The following PNKP variants were observed in gnomAD, a reference collection of about 807,000 sequenced individuals.
The protein encoded by PNKP is polynucleotide kinase 3'-phosphatase, also known as bifunctional polynucleotide phosphatase/kinase.
Under a neutral mutation model 66.2 loss-of-function variants are expected in PNKP, and 82 were observed. The observed-to-expected ratio is 1.24, with a 90% CI of 1.04 to 1.49. PNKP has a LOEUF of 1.49. PNKP is among the 40% of genes most tolerant of loss of function. The pLI is 0.00. For missense variants in PNKP, 907 were observed against 706.8 expected (o/e 1.28, Z -3.21); for synonymous variants, 412 against 298.9 (o/e 1.38, Z -3.90).
rs759435042 is a variant in PNKP at position 49,861,218 on chromosome 19, C to T, written c.*30G>A. The stretch of plus-strand genomic sequence containing the variant: ...GCCGGCCAAGCTCAAGGAGAAACAG[C>T]GTTTATTGTGGAGGGGAGCTGGGCG... On this transcript the variant is annotated 3_prime_UTR_variant, in exon 17 of 17. Coordinates refer to ENST00000322344, the MANE Select transcript of PNKP (RefSeq NM_007254.4). 1.5e-5 allele frequency: 21 copies of T among 1,436,366 alleles called. No individual in the cohort carries two copies. The highest frequency in any genetic ancestry group is 2.8e-5 in the African/African-American group (2 of 71,548). The allele number at this position is 1,436,366 out of a possible 1,614,324, so 89.0% of individuals were successfully genotyped here.
chr19:49,862,679 C>G lies in PNKP; in HGVS notation c.865+11G>C. On this transcript the variant is annotated intron_variant, in intron 9 of 16. Transcript: ENST00000322344. ...GTCCCAGCCCACCCTCAGCAGCCTC[C>G]AGGCCCTTACCTCCCACAAAGATGC... The G allele has an allele frequency of 6.2e-7, 1 of 1,614,120 alleles. No homozygotes were observed. The highest frequency in any genetic ancestry group is 1.6e-4 in the Middle Eastern group (1 of 6,062).
Position 49,862,542 on chromosome 19 carries a change from CG to C in PNKP, c.931del (p.Arg311AlafsTer51), listed in dbSNP as rs1568660415. The C allele has an allele frequency of 6.2e-7, 1 of 1,609,382 alleles. No individual in the cohort carries two copies. The highest frequency in any genetic ancestry group is 8.5e-7 in the Non-Finnish European group (1 of 1,177,808). On this transcript the variant is annotated frameshift_variant, in exon 10 of 17. Transcript: ENST00000322344. LOFTEE classifies it high-confidence loss of function. ...GGCAGGGGGCAGGGGCCTCACCAGG[CG>C]ATCGGCGCAGGAGAAGTCTTTCTTC... is the stretch of plus-strand genomic sequence containing the variant. Reference protein sequence around the residue: ...RKKKDFSCADRLFALNLGLPF... With the variant: ...RKKKDFSCADXLFALNLGLPF...
chr19:49,861,258 G>A lies in PNKP; in HGVS notation c.1556C>T (p.Ser519Phe). 6.2e-7 allele frequency: 1 copy of A among 1,603,728 alleles called. No individual in the cohort carries two copies. Among genetic ancestry groups the A allele is most frequent in the South Asian group, 1.1e-5 (1 of 90,842 alleles). Reference sequence around the variant, plus strand: ...GGAGCTGGGCGGGGCTCAGCCCTCGGAGAACTGGCAGTACAGCCGCCCCAG... The same window carrying A: ...GGAGCTGGGCGGGGCTCAGCCCTCGAAGAACTGGCAGTACAGCCGCCCCAG... The part of the protein sequence containing the change: ...PRLGRLYCQF[S>F]EG Residue 519 changes from serine to phenylalanine, a missense_variant, in exon 17 of 17, where the codon TCC (serine) becomes TTC (phenylalanine). Physicochemically the swap from Ser to Phe is radical, Grantham distance 155. Transcript: ENST00000322344.
Position 49,862,225 on chromosome 19 carries a change from G to C in PNKP, c.1086C>G (p.Ser362Arg). 1 of 1,612,630 alleles carries C rather than the reference G, an allele frequency of 6.2e-7. No individual in the cohort carries two copies. Among genetic ancestry groups the C allele is most frequent in the Non-Finnish European group, 8.5e-7 (1 of 1,179,398 alleles). Residue 362 changes from serine (S) to arginine (R), a missense_variant, in exon 12 of 17, where the codon AGC becomes AGG. By Grantham distance (110) the Ser-to-Arg change is moderately radical (BLOSUM62 -1). Transcript: ENST00000322344. ...LCLPESRALL[S>R]ASPEVVVAVG... ...CTGCGACAACCACCTCCGGGCTGGC[G>C]CTCAGGAGGGCCCTGGACTCGGGGA...
At chr19:49,865,482 CCAAT>C (rs2074811686) in intron 3 of PNKP, 56 bp from the exon 4 acceptor site, 2 of 1,307,486 alleles carry the variant, frequency 1.5e-6, no homozygotes, top group South Asian at 1.3e-5. Flanking sequence ...GGAGCTTCCT[CCAAT>C]CAAATACCCA....
chr19:49,866,253 G>A (rs974734297), intron 3 of PNKP, 146 bp downstream of exon 3: 4 of 790,074 alleles, frequency 5.1e-6, no homozygotes, highest in South Asian at 1.3e-5. Flanking sequence ...GCCCGCCTCG[G>A]CCTCCCAAAG....
rs1030506703 is a variant in PNKP at position 49,866,150 on chromosome 19, C to A, written c.198+249G>T. Reference sequence around the variant, plus strand: ...GCTTCAGCCTCCCGATTAGGAACTACAAGGACGCGCCACCATTCCCGCTAA... The same window carrying A: ...GCTTCAGCCTCCCGATTAGGAACTAAAAGGACGCGCCACCATTCCCGCTAA... On this transcript the variant is annotated intron_variant, in intron 3 of 16. Coordinates refer to ENST00000322344, the MANE Select transcript of PNKP (RefSeq NM_007254.4). 3.4e-5 allele frequency: 18 copies of A among 531,072 alleles called. No homozygotes were observed. The East Asian group carries it at 6.1e-4, about 18-fold the overall frequency. 32.9% of individuals were successfully genotyped at this position (531,072 alleles called of 1,614,324 possible). A position where few individuals can be genotyped will look rare whatever the true frequency, so the allele number is the denominator to read the frequency against.
In PNKP at chr19:49,861,787, G is replaced by A; in HGVS notation, c.1283C>T (p.Ala428Val). 6.4e-7 allele frequency: 1 copy of A among 1,566,224 alleles called. No homozygotes were observed. ...GTCACGCTACCTGGCGCGGCTCGCG[G>A]CGTCTGGGTTTGTGTTGTCGATGGC... The part of the protein sequence containing the change: ...RVAIDNTNPD[A>V]ASRARYVQCA... Residue 428 changes from alanine (A) to valine (V), a missense_variant, in exon 14 of 17, where the codon GCC becomes GTC. Ala to Val is a moderately conservative substitution (Grantham distance 64). Coordinates refer to ENST00000322344, the MANE Select transcript of PNKP (RefSeq NM_007254.4).
Position 49,863,669 on chromosome 19 carries a change from G to A in PNKP, c.816+20C>T, listed in dbSNP as rs372038893. 203 of 1,543,554 alleles carry A rather than the reference G, an allele frequency of 1.3e-4. 1 individual carries two copies. The African/African-American group carries it at 2.0e-3, about 15-fold the overall frequency. ...TGGAGTGAGGAAAAGGAGGGGGGCC[G>A]GGCAGGCTGCAAGACTCACCTGCTC... is the stretch of plus-strand genomic sequence containing the variant. On this transcript the variant is annotated intron_variant, in intron 8 of 16. Coordinates refer to ENST00000322344, the MANE Select transcript of PNKP (RefSeq NM_007254.4).
At chr19:49,866,924 T>C in intron 2 of PNKP, 130 bp downstream of exon 2, 1 of 874,790 alleles carries the variant, frequency 1.1e-6, no homozygotes. Context: ...CTTCCTGTAC[T>C]CCCTAGAGAG....
At position 49,867,322 on chromosome 19, in the gene PNKP, T is replaced by C. The variant is rs571283086; in HGVS notation, c.-13-105A>G. ...AGAAAGTTTCCCCACCATTAACTGCTCCGGAAGTCCCACCCGCTCGCCTTC... is the reference window on the plus strand; with the variant it reads ...AGAAAGTTTCCCCACCATTAACTGCCCCGGAAGTCCCACCCGCTCGCCTTC... On this transcript the variant is annotated intron_variant, in intron 1 of 16. Coordinates refer to ENST00000322344, the MANE Select transcript of PNKP (RefSeq NM_007254.4). 436 of 1,186,042 alleles carry C rather than the reference T, an allele frequency of 3.7e-4. 1 individual carries two copies. The highest frequency in any genetic ancestry group is 4.8e-4 in the Non-Finnish European group (415 of 857,202). The allele number at this position is 1,186,042 out of a possible 1,614,324, so 73.5% of individuals were successfully genotyped here.
At chr19:49,864,427 A>AC in intron 4 of PNKP, 24 bp from the exon 5 acceptor site, 1 of 1,574,528 alleles carries the variant, frequency 6.4e-7, no homozygotes, top group Non-Finnish European at 8.7e-7. Context: ...GGAAAGACAA[A>AC]CAGCAGCACT....
intron 2 of PNKP, 40 bp downstream of exon 2, chr19:49,867,014 T>G: frequency 6.2e-7 from 1 of 1,604,910 alleles, no homozygotes; most frequent in Non-Finnish European, 8.5e-7. Context: ...TTCCCGCTTT[T>G]GCAGCAGGCC....
Position 49,862,377 on chromosome 19 carries a change from A to T in PNKP, c.1023T>A (p.Phe341Leu), listed in dbSNP as rs2074780594. 6.6e-7 allele frequency: 1 copy of T among 1,518,934 alleles called. No homozygotes were observed. The highest frequency in any genetic ancestry group is 1.4e-5 in the African/African-American group (1 of 72,184). 94.1% of individuals were successfully genotyped at this position (1,518,934 alleles called of 1,614,324 possible). Residue 341 changes from phenylalanine to leucine, a missense_variant, in exon 11 of 17, where the codon TTT (phenylalanine) becomes TTA (leucine). Physicochemically the swap from Phe to Leu is conservative, Grantham distance 22. Coordinates refer to ENST00000322344, the MANE Select transcript of PNKP (RefSeq NM_007254.4). ...WPAAGFELPA[F>L]DPRTVSRSGP... ...CCCCGCCCCAGGGCCTCACCGGATC[A>T]AAGGCTGGGAGCTCGAAGCCGGCTG... is the stretch of plus-strand genomic sequence containing the variant.
chr19:49,862,644 G>C (rs187962247), intron 9 of PNKP, 36 bp from the exon 10 acceptor site: 4 of 1,613,776 alleles, frequency 2.5e-6, no homozygotes. Context: ...CCACCAGCTC[G>C]GAGGGAGGCG....
In PNKP at chr19:49,862,025, G is replaced by A. The variant is rs1484018266; in HGVS notation, c.1188+19C>T. The A allele has an allele frequency of 7.4e-6, 12 of 1,613,474 alleles. No individual in the cohort carries two copies. In the East Asian group the frequency reaches 8.9e-5, roughly 12 times the overall value. On this transcript the variant is annotated intron_variant, in intron 13 of 16. Coordinates refer to ENST00000322344, the MANE Select transcript of PNKP (RefSeq NM_007254.4). Reference sequence around the variant, plus strand: ...GGGAACTTTATAATAGATTTGGGGCGGCAAAAGCCTGGTCATACCCTGTTC... The same window carrying A: ...GGGAACTTTATAATAGATTTGGGGCAGCAAAAGCCTGGTCATACCCTGTTC...
intron 8 of PNKP, among the ~76,000 whole-genome samples, chr19:49,863,046 T>A (rs2074791139): frequency 6.6e-6 from 1 of 151,878 alleles, no homozygotes; most frequent in African/African-American, 2.4e-5. Context: ...AGGTTCCCCC[T>A]CCCTCAGGGC....
Position 49,865,368 on chromosome 19 carries a change from G to C in PNKP, c.257C>G (p.Ser86Cys). ...ATACAGTGTGTCCCCCACCCCCAGA[G>C]AGCCCTCCAACCCCGGCTTCAACTC... ...TQELKPGLEGSLGVGDTLYLV... is the reference protein window; with the variant it reads ...TQELKPGLEGCLGVGDTLYLV... Residue 86 changes from serine (S) to cysteine (C), a missense_variant, in exon 4 of 17, where the codon TCT becomes TGT. By Grantham distance (112) the Ser-to-Cys change is moderately radical. Coordinates refer to ENST00000322344, the MANE Select transcript of PNKP (RefSeq NM_007254.4). 1 of 1,613,482 alleles carries C rather than the reference G, an allele frequency of 6.2e-7. No individual in the cohort carries two copies. The highest frequency in any genetic ancestry group is 8.5e-7 in the Non-Finnish European group (1 of 1,179,678).
Position 49,867,199 on chromosome 19 carries a change from G to T in PNKP, c.6C>A (p.Gly2=), listed in dbSNP as rs2074827625. 3 of 1,610,546 alleles carry T rather than the reference G, an allele frequency of 1.9e-6. No homozygotes were observed. The highest frequency in any genetic ancestry group is 2.5e-6 in the Non-Finnish European group (3 of 1,178,748). The stretch of plus-strand genomic sequence containing the variant: ...ACAAGCGGCCCGGGGCCTCCACCTC[G>T]CCCATCCTGGGTGCCGGCCTGGGGA... The part of the protein sequence containing the change: M[G]EVEAPGRLWL... Residue 2 remains glycine, a synonymous_variant, in exon 2 of 17, where the codon GGC becomes GGA. Coordinates refer to ENST00000322344, the MANE Select transcript of PNKP (RefSeq NM_007254.4).
Sources: allele counts gnomAD v4.1 joint callset (sites outside exome capture counted in the v4.1 genomes callset), GRCh38; gene constraint gnomAD v4.1.1; transcripts MANE v1.5; gene names NCBI Gene and HGNC (gene_info 2026-07-23, HGNC 2026-07-21).